GRIN2B: variants seen among roughly 807,000 people sequenced by gnomAD.
GRIN2B encodes the protein glutamate ionotropic receptor NMDA type subunit 2B.
A neutral mutation model predicts 114.5 loss-of-function variants in GRIN2B; 5 were observed. That is an observed-to-expected ratio of 0.04 (90% CI 0.02 to 0.09). The LOEUF (loss-of-function observed/expected upper bound fraction) is 0.09, where lower values mean the gene tolerates loss of function less well. Ranked by LOEUF, GRIN2B falls within the 10% of genes least tolerant of loss-of-function variation. GRIN2B has a pLI of 1.00. For synonymous variants in GRIN2B, 787 were observed against 745.1 expected (o/e 1.06, Z -0.92); for missense variants, 1,108 against 1,943.5 (o/e 0.57, Z 8.08).
chr12:13,898,723 C>A (rs1298579580), intron 2 of GRIN2B, among the ~76,000 whole-genome samples: 2 of 152,204 alleles, frequency 1.3e-5, no homozygotes, highest in African/African-American at 4.8e-5. Flanking sequence ...ACCAGCCTGA[C>A]CGACATGGAG....
intron 2 of GRIN2B, among the ~76,000 whole-genome samples, chr12:13,915,256 A>C (rs1866695565): frequency 6.6e-6 from 1 of 152,252 alleles, no homozygotes; most frequent in Non-Finnish European, 1.5e-5. Context: ...AGCCAAAAGC[A>C]AACAACATAG....
intron 5 of GRIN2B, among the ~76,000 whole-genome samples, chr12:13,664,332 A>G (rs1358040060): frequency 6.6e-6 from 1 of 152,140 alleles, no homozygotes; most frequent in African/African-American, 2.4e-5. Flanking sequence ...GGGGAGAAGA[A>G]CACTTTGCCC....
chr12:13,839,649 G>A (rs923211684), intron 3 of GRIN2B, among the ~76,000 whole-genome samples: 2 of 152,208 alleles, frequency 1.3e-5, no homozygotes, highest in African/African-American at 4.8e-5. Flanking sequence ...AAGAGGCAGA[G>A]ACAAACGGAA....
chr12:13,840,295 T>C (rs777857647), intron 3 of GRIN2B, among the ~76,000 whole-genome samples: 16 of 152,148 alleles, frequency 1.1e-4, no homozygotes, highest in African/African-American at 2.7e-4. Flanking sequence ...GGTCATTTTG[T>C]TGAAAGGAAA....
intron 10 of GRIN2B, among the ~76,000 whole-genome samples, chr12:13,607,392 T>TTA (rs1565473814): frequency 4.3e-5 from 3 of 69,506 alleles, no homozygotes; most frequent in African/African-American, 1.3e-4. Context: ...ATAATATATA[T>TTA]TATATATAAT....
At chr12:13,947,980 C>G (rs981848564) in intron 2 of GRIN2B, among the ~76,000 whole-genome samples, 22 of 152,252 alleles carry the variant, frequency 1.4e-4, no homozygotes, top group African/African-American at 5.1e-4. Flanking sequence ...CAGGACCTCT[C>G]CATAAGAAAA....
intron 10 of GRIN2B, among the ~76,000 whole-genome samples, chr12:13,597,856 T>C (rs1683694057): frequency 6.6e-6 from 1 of 152,210 alleles, no homozygotes. Flanking sequence ...AATAGTAGGC[T>C]TGGCACATAA....
chr12:13,935,048 A>T (rs7312680), intron 2 of GRIN2B, among the ~76,000 whole-genome samples: 9,910 of 152,264 alleles, frequency 0.065, 978 homozygotes, highest in East Asian at 0.41. Flanking sequence ...GTTTTCTGAG[A>T]ATAGATAGCC....
intron 10 of GRIN2B, among the ~76,000 whole-genome samples, chr12:13,593,702 G>A (rs187486898): frequency 9.7e-4 from 147 of 152,316 alleles, no homozygotes; most frequent in Admixed American, 2.8e-3. Flanking sequence ...AAACTAAAGA[G>A]CTTCTGCACA....
chr12:13,647,461 C>G (rs1363366302), intron 5 of GRIN2B, among the ~76,000 whole-genome samples: 1 of 152,112 alleles, frequency 6.6e-6, no homozygotes, highest in Non-Finnish European at 1.5e-5. Flanking sequence ...TTCTCATTAA[C>G]TTTCATTGTT....
At chr12:13,877,603 T>C (rs2136760652) in intron 2 of GRIN2B, among the ~76,000 whole-genome samples, 1 of 152,216 alleles carries the variant, frequency 6.6e-6, no homozygotes, top group Non-Finnish European at 1.5e-5. Flanking sequence ...AATAATGGGG[T>C]AGGAGGCACA....
intron 10 of GRIN2B, among the ~76,000 whole-genome samples, chr12:13,577,040 A>G (rs1948785748): frequency 6.6e-6 from 1 of 152,190 alleles, no homozygotes; most frequent in African/African-American, 2.4e-5. Flanking sequence ...CAGTAGACAC[A>G]GTGTAGAGGG....
intron 3 of GRIN2B, among the ~76,000 whole-genome samples, chr12:13,757,836 A>G (rs1863605688): frequency 6.6e-6 from 1 of 152,212 alleles, no homozygotes; most frequent in Admixed American, 6.5e-5. Context: ...AGAATAAAAA[A>G]AAAGAGGTGC....
intron 4 of GRIN2B, among the ~76,000 whole-genome samples, chr12:13,735,238 A>G (rs1030456778): frequency 2.0e-5 from 3 of 152,240 alleles, no homozygotes; most frequent in African/African-American, 7.2e-5. Flanking sequence ...ACCCAACTTG[A>G]TTTGAGAAAG....
In GRIN2B at chr12:13,552,726, C is replaced by G. The variant is rs1157424690; in HGVS notation, c.*10057G>C. ...CTAAAATATTAACTATTCTCATTTT[C>G]AGGAGCAAGGCTATCTAGACCCCAT... On this transcript the variant is annotated 3_prime_UTR_variant, in exon 14 of 14. Coordinates refer to ENST00000609686, the MANE Select transcript of GRIN2B (RefSeq NM_000834.5). 6.6e-6 allele frequency: 1 copy of G among 151,932 alleles called. No homozygotes were observed. Among genetic ancestry groups the G allele is most frequent in the Non-Finnish European group, 1.5e-5 (1 of 67,986 alleles). 9.4% of individuals were successfully genotyped at this position (151,932 alleles called of 1,614,324 possible).
intron 4 of GRIN2B, among the ~76,000 whole-genome samples, chr12:13,745,437 C>A (rs1026968676): frequency 6.6e-6 from 1 of 152,284 alleles, no homozygotes; most frequent in South Asian, 2.1e-4. Flanking sequence ...GCTGGCAGGC[C>A]AGGGCAAAGG....
chr12:13,964,522 A>C (rs1348199583), intron 2 of GRIN2B, among the ~76,000 whole-genome samples: 1 of 152,222 alleles, frequency 6.6e-6, no homozygotes, highest in Non-Finnish European at 1.5e-5. Context: ...ACAAGTAACC[A>C]GAGGAATATT....
intron 3 of GRIN2B, among the ~76,000 whole-genome samples, chr12:13,815,456 T>C (rs758033615): frequency 3.3e-5 from 5 of 152,106 alleles, no homozygotes; most frequent in Non-Finnish European, 7.3e-5. Flanking sequence ...CACAAGTTCC[T>C]TGAGCAGAAA....
chr12:13,726,670 C>T (rs1373895424), intron 4 of GRIN2B, among the ~76,000 whole-genome samples: 2 of 148,296 alleles, frequency 1.3e-5, no homozygotes. Context: ...TTTAAATTTA[C>T]TTTTTTATTT....
Sources: allele counts gnomAD v4.1 joint callset (sites outside exome capture counted in the v4.1 genomes callset), GRCh38; gene constraint gnomAD v4.1.1; transcripts MANE v1.5; gene names NCBI Gene and HGNC (gene_info 2026-07-23, HGNC 2026-07-21).